Variants in CECR2 observed in about 807,000 individuals in gnomAD.
The protein encoded by CECR2 is chromatin remodeling regulator CECR2.
In CECR2, 30 loss-of-function variants were observed where a neutral mutation model predicts 154.5. The observed-to-expected ratio is 0.19, with a 90% confidence interval of 0.15 to 0.26. CECR2 has a LOEUF of 0.26. CECR2 is among the 10% of genes least tolerant of loss of function. CECR2 has a pLI of 1.00. For synonymous variants in CECR2, 725 were observed against 683.7 expected, an observed-to-expected ratio of 1.06 and a Z score of -0.94; for missense variants, 1,743 against 1,829.3, an observed-to-expected ratio of 0.95 and a Z score of 0.86.
At chr22:17,400,192 AT>A (rs2053871284) in intron 1 of CECR2, among the ~76,000 whole-genome samples, 3 of 152,342 alleles carry the variant, frequency 2.0e-5, no homozygotes, top group African/African-American at 7.2e-5. Context: ...AATATGTTTT[AT>A]ATATAAGTGT....
chr22:17,458,283 C>T (rs1381225467), intron 1 of CECR2, among the ~76,000 whole-genome samples: 2 of 151,864 alleles, frequency 1.3e-5, no homozygotes, highest in African/African-American at 2.4e-5. Flanking sequence ...GGTGTGGTGG[C>T]GGGCGCCTGT....
chr22:17,482,415 C>T (rs1259654967), intron 2 of CECR2, among the ~76,000 whole-genome samples: 3 of 152,160 alleles, frequency 2.0e-5, no homozygotes, highest in African/African-American at 7.2e-5. Flanking sequence ...CAGAGCGAGA[C>T]AAGACATAGC....
At chr22:17,453,701 C>T (rs2054808226) in intron 1 of CECR2, among the ~76,000 whole-genome samples, 1 of 152,092 alleles carries the variant, frequency 6.6e-6, no homozygotes, top group Non-Finnish European at 1.5e-5. Context: ...GTTTTAGAAA[C>T]TTTTCCTTGA....
rs2063031856 is a variant in CECR2, at chr22:17,369,735, G to A, written c.-49G>A. 6.7e-6 allele frequency: 1 copy of A among 149,562 alleles called. No individual in the cohort carries two copies. Among genetic ancestry groups the A allele is most frequent in the African/African-American group, 2.4e-5 (1 of 41,070 alleles). 9.3% of individuals were successfully genotyped at this position (149,562 alleles called of 1,614,324 possible). On this transcript the variant is annotated 5_prime_UTR_variant, in exon 1 of 19. Coordinates refer to ENST00000262608, the MANE Select transcript of CECR2 (RefSeq NM_001290047.2). The stretch of plus-strand genomic sequence containing the variant: ...GCCGCGGCGGGAGTCCCAGGTCGGC[G>A]GGCAGAGCGCGGGCAGCGAGGGGCC...
chr22:17,440,823 G>A (rs1424887459), intron 1 of CECR2, among the ~76,000 whole-genome samples: 4 of 151,962 alleles, frequency 2.6e-5, no homozygotes, highest in Admixed American at 6.5e-5. Context: ...CATCCCCTGT[G>A]TTTTCTGGGA....
At chr22:17,381,837 T>A (rs1305246354) in intron 1 of CECR2, among the ~76,000 whole-genome samples, 3 of 151,610 alleles carry the variant, frequency 2.0e-5, no homozygotes, top group African/African-American at 4.8e-5. Flanking sequence ...CTTCTGGGGG[T>A]CATGCTGAGT....
At chr22:17,408,186 G>T (rs1165957036) in intron 1 of CECR2, among the ~76,000 whole-genome samples, 1 of 151,894 alleles carries the variant, frequency 6.6e-6, no homozygotes, top group South Asian at 2.1e-4. Flanking sequence ...CAAAAGGAGA[G>T]ACCCTGTACC....
intron 1 of CECR2, among the ~76,000 whole-genome samples, chr22:17,439,168 C>CTTT (rs75068959): frequency 8.5e-5 from 12 of 140,450 alleles, no homozygotes; most frequent in African/African-American, 2.6e-4. Context: ...GAAACACTCC[C>CTTT]TTTTTTTTTT....
chr22:17,363,506 C>A (rs1601224781), intron 1 of CECR2, among the ~76,000 whole-genome samples: 1 of 152,018 alleles, frequency 6.6e-6, no homozygotes, highest in South Asian at 2.1e-4. Context: ...CCGTGCCAGG[C>A]CAATTTTTGT....
At chr22:17,536,744 G>T (rs575015933) in intron 9 of CECR2, among the ~76,000 whole-genome samples, 26 of 152,218 alleles carry the variant, frequency 1.7e-4, no homozygotes, top group East Asian at 1.9e-4. Flanking sequence ...CAAGTAATCC[G>T]AGAAGATAGT....
intron 1 of CECR2, chr22:17,419,792 C>A: frequency 3.4e-6 from 1 of 290,270 alleles, no homozygotes; most frequent in South Asian, 7.4e-5. Flanking sequence ...AGGCATTGGT[C>A]AAAAAATTTG....
chr22:17,484,445 T>C (rs1402526707), intron 2 of CECR2, among the ~76,000 whole-genome samples: 2 of 152,220 alleles, frequency 1.3e-5, no homozygotes, highest in East Asian at 1.9e-4. Context: ...CTGTGTCTTA[T>C]TAGAACTTTC....
At chr22:17,432,754 G>A (rs1316480609) in intron 1 of CECR2, among the ~76,000 whole-genome samples, 2 of 152,112 alleles carry the variant, frequency 1.3e-5, no homozygotes, top group African/African-American at 4.8e-5. Context: ...TCCTACCTCA[G>A]CCTCCTGAGT....
At position 17,542,771 on chromosome 22, in the gene CECR2, G is replaced by A. The variant is rs1272505089; in HGVS notation, c.2628G>A (p.Gly876=). 1.2e-6 allele frequency: 2 copies of A among 1,613,982 alleles called. No individual in the cohort carries two copies. Among genetic ancestry groups the A allele is most frequent in the Non-Finnish European group, 1.7e-6 (2 of 1,179,898 alleles). The change falls in exon 16 of 19, where the codon GGG becomes GGA. Residue 876 remains glycine, a synonymous_variant. Coordinates refer to ENST00000262608, the MANE Select transcript of CECR2 (RefSeq NM_001290047.2). ...AGGCTCTTCGGGGGGTGCAGGGAGGGGACTCCATGATGGACAGCCCAGAGA... is the reference window on the plus strand; with the variant it reads ...AGGCTCTTCGGGGGGTGCAGGGAGGAGACTCCATGATGGACAGCCCAGAGA... ...PAQALRGVQG[G]DSMMDSPEMI...
chr22:17,420,754 GCTTAT>G (rs528112593), intron 1 of CECR2, among the ~76,000 whole-genome samples: 285 of 152,124 alleles, frequency 1.9e-3, no homozygotes, highest in Non-Finnish European at 2.4e-3. Context: ...GGGATTTTCT[GCTTAT>G]CTTATTTATA....
At chr22:17,503,239 G>A (rs984341680) in intron 6 of CECR2, 108 bp downstream of exon 6, 33 of 945,744 alleles carry the variant, frequency 3.5e-5, no homozygotes, top group Non-Finnish European at 4.2e-5. Context: ...TATTGCAATA[G>A]CCTTTTACCT....
chr22:17,427,170 T>C (rs1178808024), intron 1 of CECR2, among the ~76,000 whole-genome samples: 1 of 152,186 alleles, frequency 6.6e-6, no homozygotes, highest in African/African-American at 2.4e-5. Context: ...TTCATCCATG[T>C]CCCTGCAAAG....
intron 1 of CECR2, among the ~76,000 whole-genome samples, chr22:17,420,034 A>C (rs983688636): frequency 6.6e-6 from 1 of 152,214 alleles, no homozygotes; most frequent in Non-Finnish European, 1.5e-5. Context: ...GGGAGGATAA[A>C]AAGAAAACAA....
At chr22:17,405,128 G>C (rs972123283) in intron 1 of CECR2, among the ~76,000 whole-genome samples, 1 of 151,988 alleles carries the variant, frequency 6.6e-6, no homozygotes, top group South Asian at 2.1e-4. Context: ...GAAAGTTTTA[G>C]GCCAGGCATG....
Sources: allele counts gnomAD v4.1 joint callset (sites outside exome capture counted in the v4.1 genomes callset), GRCh38; gene constraint gnomAD v4.1.1; transcripts MANE v1.5; gene names NCBI Gene and HGNC (gene_info 2026-07-23, HGNC 2026-07-21).